Variants in ATRIP observed in about 807,000 individuals in gnomAD.
The protein encoded by ATRIP is ATR interacting protein.
Under a neutral mutation model 78.1 loss-of-function variants are expected in ATRIP, and 44 were observed. That is an observed-to-expected ratio of 0.56 (90% confidence interval 0.44 to 0.72). The LOEUF is 0.72. ATRIP is among the 30% of genes least tolerant of loss of function. ATRIP has a pLI of 0.00. For synonymous variants in ATRIP, 388 were observed against 408.9 expected, an observed-to-expected ratio of 0.95 and a Z score of 0.62; for missense variants, 927 against 980.2, an observed-to-expected ratio of 0.95 and a Z score of 0.72.
At position 48,460,452 on chromosome 3, in the gene ATRIP, C is replaced by T. The variant is rs1475640292; in HGVS notation, c.1398C>T (p.Asp466=). 2.5e-6 allele frequency: 4 copies of T among 1,610,996 alleles called. No homozygotes were observed. Among genetic ancestry groups the T allele is most frequent in the Non-Finnish European group, 2.5e-6 (3 of 1,178,408 alleles). ...VSSGVETNPE[D]SVCILEGFSV... is the part of the protein sequence containing the mutation. ...CTGGGGTAGAGACCAACCCTGAGGACTCAGTGTGCATCCTGGAAGGCTTCT... is the reference window on the plus strand; with the variant it reads ...CTGGGGTAGAGACCAACCCTGAGGATTCAGTGTGCATCCTGGAAGGCTTCT... The change falls in exon 8 of 13, where the codon GAC becomes GAT. Residue 466 remains aspartate (D), a synonymous_variant. Transcript: ENST00000320211.
In ATRIP at chr3:48,467,002, C is replaced by T. The variant is rs765151974; in HGVS notation, c.*1448C>T. On this transcript the variant is annotated 3_prime_UTR_variant, in exon 13 of 13. Coordinates refer to ENST00000320211, the MANE Select transcript of ATRIP (RefSeq NM_130384.3). Reference sequence around the variant, plus strand: ...CTCCTAGCCTTCCTGCGGCGCCAGCCACAGCCCTGGTGCCTGGTGGCACAC... The same window carrying T: ...CTCCTAGCCTTCCTGCGGCGCCAGCTACAGCCCTGGTGCCTGGTGGCACAC... 6 of 1,613,822 alleles carry T rather than the reference C, an allele frequency of 3.7e-6. No individual in the cohort carries two copies. Among genetic ancestry groups the T allele is most frequent in the African/African-American group, 1.3e-5 (1 of 75,060 alleles).
chr3:48,464,263 A>G, intron 10 of ATRIP, 131 bp downstream of exon 10: 2 of 860,248 alleles, frequency 2.3e-6, no homozygotes, highest in South Asian at 3.2e-5. Context: ...TAAAGCAACT[A>G]AAGAGGTAAA....
intron 3 of ATRIP, among the ~76,000 whole-genome samples, chr3:48,454,024 T>C (rs1430838995): frequency 6.6e-6 from 1 of 152,100 alleles, no homozygotes; most frequent in East Asian, 1.9e-4. Flanking sequence ...CCTCCCAAAG[T>C]GCTTAGGATT....
intron 4 of ATRIP, among the ~76,000 whole-genome samples, chr3:48,456,269 C>T (rs2039952261): frequency 6.6e-6 from 1 of 151,802 alleles, no homozygotes. Flanking sequence ...TAGCAAAACC[C>T]CATTGCTACT....
chr3:48,454,514 AC>A (rs1278333525), intron 4 of ATRIP, 96 bp downstream of exon 4: 7 of 813,580 alleles, frequency 8.6e-6, no homozygotes, highest in Non-Finnish European at 1.4e-5. Flanking sequence ...GGCCATTTAG[AC>A]CCCTCCACCT....
intron 7 of ATRIP, 46 bp from the exon 8 acceptor site, chr3:48,460,064 A>G: frequency 6.4e-7 from 1 of 1,573,002 alleles, no homozygotes; most frequent in Non-Finnish European, 8.6e-7. Flanking sequence ...TCTTGACCTT[A>G]TCTCCATCCC....
chr3:48,460,941 T>A, intron 8 of ATRIP, 142 bp downstream of exon 8: 1 of 805,748 alleles, frequency 1.2e-6, no homozygotes, highest in Non-Finnish European at 1.9e-6. Context: ...AGTTCTGAAG[T>A]GATGGGAAGT....
At chr3:48,454,967 A>G (rs942286079) in intron 4 of ATRIP, among the ~76,000 whole-genome samples, 1 of 151,752 alleles carries the variant, frequency 6.6e-6, no homozygotes, top group Non-Finnish European at 1.5e-5. Flanking sequence ...GGTTCAAGCA[A>G]TTCTCCTCCT....
At chr3:48,459,209 GA>G in intron 5 of ATRIP, 149 bp from the exon 6 acceptor site, 1 of 603,160 alleles carries the variant, frequency 1.7e-6, no homozygotes, top group Non-Finnish European at 2.9e-6. Flanking sequence ...GAAGGTAAAA[GA>G]TGCAGGGCTC....
intron 1 of ATRIP, 127 bp from the exon 2 acceptor site, chr3:48,449,910 C>A: frequency 2.9e-6 from 3 of 1,049,762 alleles, no homozygotes; most frequent in South Asian, 3.3e-5. Flanking sequence ...TGCACTCCAA[C>A]CTGGGTAACA....
chr3:48,466,653 A>C lies in ATRIP; in HGVS notation c.*1099A>C, dbSNP rs776780414. 1 of 1,613,894 alleles carries C rather than the reference A, an allele frequency of 6.2e-7. No individual in the cohort carries two copies. On this transcript the variant is annotated 3_prime_UTR_variant, in exon 13 of 13. Coordinates refer to ENST00000320211, the MANE Select transcript of ATRIP (RefSeq NM_130384.3). ...AGGCTCAGCAGCAGGTACGTACCCAACCATGGGCTCGCAGGCCCTGCCCCC... is the reference window on the plus strand; with the variant it reads ...AGGCTCAGCAGCAGGTACGTACCCACCCATGGGCTCGCAGGCCCTGCCCCC...
At chr3:48,463,630 A>C (rs978615583) in intron 8 of ATRIP, 115 bp from the exon 9 acceptor site, 3 of 1,412,562 alleles carry the variant, frequency 2.1e-6, no homozygotes, top group African/African-American at 2.9e-5. Flanking sequence ...GGCTGAACCA[A>C]CTCACCTGTT....
Position 48,465,099 on chromosome 3 carries a change from G to A in ATRIP, c.2308+16G>A. On this transcript the variant is annotated intron_variant, in intron 12 of 12. Transcript: ENST00000320211. The stretch of plus-strand genomic sequence containing the variant: ...GACTGTGAAGGTAAGCCTGCCAGAG[G>A]CCATCCTGCCCAGCCCCCATGGCTT... 6.3e-7 allele frequency: 1 copy of A among 1,598,104 alleles called. No individual in the cohort carries two copies. The highest frequency in any genetic ancestry group is 8.6e-7 in the Non-Finnish European group (1 of 1,168,430).
chr3:48,460,060 C>T lies in ATRIP; in HGVS notation c.1056-50C>T, dbSNP rs981760589. 1.9e-6 allele frequency: 3 copies of T among 1,571,248 alleles called. No individual in the cohort carries two copies. The African/African-American group carries it at 4.1e-5, about 21-fold the overall frequency. ...CAGGCAGGCTGTTTGGGGCTCTTGA[C>T]CTTATCTCCATCCCACACTTAATCT... On this transcript the variant is annotated intron_variant, in intron 7 of 12. Transcript: ENST00000320211.
At chr3:48,454,186 A>G in intron 3 of ATRIP, 114 bp from the exon 4 acceptor site, 1 of 662,360 alleles carries the variant, frequency 1.5e-6, no homozygotes, top group Non-Finnish European at 2.7e-6. Flanking sequence ...GTCACAGCAG[A>G]CTTTCATATG....
chr3:48,467,543 C>T lies in ATRIP; in HGVS notation c.*1989C>T. On this transcript the variant is annotated 3_prime_UTR_variant, in exon 13 of 13. Transcript: ENST00000320211. ...TGGCCCCACTGGGTCTGCTGGCCATCCTGACCTTGGCAGTAGCCACACTGT... is the reference window on the plus strand; with the variant it reads ...TGGCCCCACTGGGTCTGCTGGCCATTCTGACCTTGGCAGTAGCCACACTGT... The T allele has an allele frequency of 6.2e-7, 1 of 1,613,886 alleles. No homozygotes were observed. The highest frequency in any genetic ancestry group is 1.1e-5 in the South Asian group (1 of 91,086).
chr3:48,464,860 C>T lies in ATRIP; in HGVS notation c.2085C>T (p.His695=). The change falls in exon 12 of 13, where the codon CAC becomes CAT. Residue 695 remains histidine, a synonymous_variant. Coordinates refer to ENST00000320211, the MANE Select transcript of ATRIP (RefSeq NM_130384.3). ...EVVRALTVML[H]RQWLTVRRAG... ...TCAGAGCGCTCACGGTGATGTTGCA[C>T]AGACAGTGGCTGACAGTGCGGAGGG... is the stretch of plus-strand genomic sequence containing the variant. The T allele has an allele frequency of 1.2e-6, 2 of 1,613,366 alleles. No individual in the cohort carries two copies. The highest frequency in any genetic ancestry group is 1.7e-5 in the Admixed American group (1 of 60,000).
chr3:48,447,312 C>G, intron 1 of ATRIP: 1 of 1,232,436 alleles, frequency 8.1e-7, no homozygotes, highest in Non-Finnish European at 1.0e-6. Context: ...ACACAGAAGG[C>G]TAAGTTGACA....
chr3:48,466,390 G>T lies in ATRIP; in HGVS notation c.*836G>T. The T allele has an allele frequency of 2.6e-6, 4 of 1,540,424 alleles. No homozygotes were observed. In the South Asian group the frequency reaches 4.6e-5, roughly 18 times the overall value. ...CACCCCAGACTAAGGGGGCACTAGG[G>T]GAGGGGCCGAGTCATGTGAAGAGGG... On this transcript the variant is annotated 3_prime_UTR_variant, in exon 13 of 13. Transcript: ENST00000320211.
Sources: gnomAD v4.1 joint callset for allele counts (sites outside exome capture counted in the v4.1 genomes callset) on GRCh38, gnomAD v4.1.1 for gene constraint, MANE v1.5 for transcripts, NCBI Gene and HGNC (gene_info 2026-07-23, HGNC 2026-07-21) for gene names.